The following LRRC7 variants were observed in gnomAD, a reference collection of about 807,000 sequenced individuals.
LRRC7 encodes the protein leucine-rich repeat-containing protein 7.
In LRRC7, 23 loss-of-function variants were observed where a neutral mutation model predicts 175.7. That is an observed-to-expected ratio of 0.13 (90% CI 0.09 to 0.19). The LOEUF is 0.19. Among genes scored for constraint, LRRC7 ranks in the 10% least tolerant of loss-of-function variants. The probability of loss-of-function intolerance (pLI) is 1.00; values close to 1 mark genes in which losing one functional copy is unlikely to be tolerated. For synonymous variants in LRRC7, 685 were observed against 680.9 expected, an observed-to-expected ratio of 1.01 and a Z score of -0.09; for missense variants, 1,354 against 1,904.7, an observed-to-expected ratio of 0.71 and a Z score of 5.38.
intron 8 of LRRC7, among the ~76,000 whole-genome samples, chr1:69,978,908 A>G (rs1653108453): frequency 6.7e-6 from 1 of 148,310 alleles, no homozygotes; most frequent in Non-Finnish European, 1.5e-5. Flanking sequence ...TTGTTGTTTC[A>G]GTAAGTAATA....
intron 25 of LRRC7, among the ~76,000 whole-genome samples, chr1:70,093,878 A>C (rs935734928): frequency 6.6e-6 from 1 of 152,156 alleles, no homozygotes; most frequent in East Asian, 1.9e-4. Context: ...TTTCCACAGG[A>C]TGTTGTTAGA....
intron 1 of LRRC7, among the ~76,000 whole-genome samples, chr1:69,667,847 A>G (rs1199610061): frequency 6.6e-6 from 1 of 151,860 alleles, no homozygotes; most frequent in African/African-American, 2.4e-5. Context: ...CCTTTTTATC[A>G]TTTGTTTTCT....
intron 17 of LRRC7, among the ~76,000 whole-genome samples, chr1:70,025,631 A>G (rs1658009066): frequency 6.6e-6 from 1 of 152,156 alleles, no homozygotes; most frequent in Non-Finnish European, 1.5e-5. Context: ...ATATATTATC[A>G]TTTCCATTTT....
chr1:69,994,430 T>A, intron 10 of LRRC7, 131 bp from the exon 11 acceptor site: 1 of 699,090 alleles, frequency 1.4e-6, no homozygotes, highest in Non-Finnish European at 2.5e-6. Flanking sequence ...GTTTTATGAG[T>A]GTGTATTAGC....
chr1:69,819,953 T>C (rs914168113), intron 4 of LRRC7, among the ~76,000 whole-genome samples: 1 of 152,136 alleles, frequency 6.6e-6, no homozygotes, highest in Non-Finnish European at 1.5e-5. Flanking sequence ...CAAGCACGTG[T>C]AGTTGGGTCA....
At chr1:69,586,118 T>C (rs1291460944) in intron 1 of LRRC7, among the ~76,000 whole-genome samples, 2 of 152,196 alleles carry the variant, frequency 1.3e-5, no homozygotes, top group Admixed American at 6.5e-5. Flanking sequence ...CTCCAGATGT[T>C]AGAGGATAAG....
At chr1:70,005,816 C>T (rs1187016205) in intron 11 of LRRC7, among the ~76,000 whole-genome samples, 2 of 152,164 alleles carry the variant, frequency 1.3e-5, no homozygotes, top group African/African-American at 4.8e-5. Context: ...GGCCTCTCCC[C>T]AAACCACTGA....
chr1:70,110,295 G>A (rs180958742), intron 26 of LRRC7, among the ~76,000 whole-genome samples: 1 of 152,130 alleles, frequency 6.6e-6, no homozygotes, highest in Non-Finnish European at 1.5e-5. Flanking sequence ...TGGGAGAAGT[G>A]CTTGAGCCCA....
intron 1 of LRRC7, among the ~76,000 whole-genome samples, chr1:69,580,040 A>G (rs1035221520): frequency 2.0e-5 from 3 of 152,104 alleles, no homozygotes; most frequent in Non-Finnish European, 4.4e-5. Context: ...TCCATGAACA[A>G]TCACTCTAAA....
intron 1 of LRRC7, among the ~76,000 whole-genome samples, chr1:69,667,187 T>G (rs548130714): frequency 1.3e-3 from 202 of 152,258 alleles, no homozygotes; most frequent in South Asian, 2.9e-3. Context: ...TTATTTCACA[T>G]TTTTTGAATG....
At chr1:69,649,665 GA>G (rs1441371801) in intron 1 of LRRC7, among the ~76,000 whole-genome samples, 1 of 152,072 alleles carries the variant, frequency 6.6e-6, no homozygotes, top group Non-Finnish European at 1.5e-5. Flanking sequence ...TTTGCTAATT[GA>G]AAAATGACTC....
At chr1:69,995,738 AT>A (rs1654889636) in intron 11 of LRRC7, among the ~76,000 whole-genome samples, 1 of 152,080 alleles carries the variant, frequency 6.6e-6, no homozygotes, top group African/African-American at 2.4e-5. Flanking sequence ...TGAACTCATC[AT>A]TTTTTATGGC....
intron 4 of LRRC7, among the ~76,000 whole-genome samples, chr1:69,815,655 A>G (rs1678497317): frequency 6.6e-6 from 1 of 152,224 alleles, no homozygotes; most frequent in East Asian, 1.9e-4. Flanking sequence ...ATGGCTTTAA[A>G]CAAAAAATGT....
intron 13 of LRRC7, among the ~76,000 whole-genome samples, chr1:70,014,546 A>AT (rs1461045289): frequency 6.6e-6 from 1 of 152,016 alleles, no homozygotes; most frequent in Admixed American, 6.6e-5. Flanking sequence ...CCAAATTACT[A>AT]TTTTTAAATT....
chr1:70,025,840 G>GC (rs1658035912), intron 17 of LRRC7, among the ~76,000 whole-genome samples: 1 of 142,246 alleles, frequency 7.0e-6, no homozygotes, highest in African/African-American at 2.5e-5. Flanking sequence ...AAGGGGGGGG[G>GC]GGTCCTCTTT....
intron 1 of LRRC7, among the ~76,000 whole-genome samples, chr1:69,622,981 C>T (rs1313663278): frequency 6.6e-6 from 1 of 152,124 alleles, no homozygotes; most frequent in Admixed American, 6.5e-5. Flanking sequence ...TTGTCTGTTT[C>T]CTCTGGACAA....
chr1:69,799,956 A>G (rs1676268675), intron 4 of LRRC7, among the ~76,000 whole-genome samples: 1 of 152,098 alleles, frequency 6.6e-6, no homozygotes, highest in South Asian at 2.1e-4. Context: ...ATTCTTCTGC[A>G]TATGGCGATC....
At chr1:69,894,691 TA>T (rs771865695) in intron 7 of LRRC7, among the ~76,000 whole-genome samples, 4 of 152,152 alleles carry the variant, frequency 2.6e-5, no homozygotes, top group Non-Finnish European at 4.4e-5. Flanking sequence ...CTACCATTTT[TA>T]AAAACATGGA....
chr1:69,719,696 T>G (rs1666141570), intron 2 of LRRC7, among the ~76,000 whole-genome samples: 1 of 151,674 alleles, frequency 6.6e-6, no homozygotes, highest in South Asian at 2.1e-4. Flanking sequence ...AAAAATGGCT[T>G]TATTGTTTTA....
Sources: allele counts gnomAD v4.1 joint callset (sites outside exome capture counted in the v4.1 genomes callset), GRCh38; gene constraint gnomAD v4.1.1; transcripts MANE v1.5; gene names NCBI Gene and HGNC (gene_info 2026-07-23, HGNC 2026-07-21).